Variants in ZNF827 observed in about 807,000 individuals in gnomAD.
ZNF827 encodes zinc finger protein 827.
Under a neutral mutation model 102.4 loss-of-function variants are expected in ZNF827, and 13 were observed. The observed-to-expected ratio is 0.13, with a 90% CI of 0.08 to 0.20. The LOEUF is 0.20. Among genes scored for constraint, ZNF827 ranks in the 10% least tolerant of loss-of-function variants. The pLI is 1.00. For missense variants in ZNF827, 1,103 were observed against 1,344.4 expected (o/e 0.82, Z 2.81); for synonymous variants, 523 against 536.2 (o/e 0.98, Z 0.34).
intron 1 of ZNF827, 24 bp downstream of exon 1, chr4:145,938,341 G>C (rs757391266): frequency 6.2e-7 from 1 of 1,613,820 alleles, no homozygotes; most frequent in Non-Finnish European, 8.5e-7. Context: ...TGGCACGAGA[G>C]GAGGTGGAGA....
chr4:145,930,037 G>A (rs977227834), intron 1 of ZNF827, among the ~76,000 whole-genome samples: 2 of 152,160 alleles, frequency 1.3e-5, no homozygotes, highest in Non-Finnish European at 2.9e-5. Flanking sequence ...GAAAGCACAT[G>A]AATCCTGTTT....
Position 145,902,460 on chromosome 4 carries a change from G to A in ZNF827, c.799C>T (p.Pro267Ser). 6.2e-7 allele frequency: 1 copy of A among 1,614,158 alleles called. No homozygotes were observed. Among genetic ancestry groups the A allele is most frequent in the Non-Finnish European group, 8.5e-7 (1 of 1,180,046 alleles). The change falls in exon 2 of 15, where the codon CCT becomes TCT. Residue 267 changes from proline to serine, a missense_variant. Pro to Ser is a moderately conservative substitution (Grantham distance 74). Transcript: ENST00000508784. This position sits in a 1 kb window ranked among gnomAD's most constrained non-coding sequence, Gnocchi z 4.3. The stretch of plus-strand genomic sequence containing the variant: ...GCCGGTGGAGGGTGCTCCTGACCAG[G>A]AGTCAAACTTCTTTCACTGACCTTC... ...SKKVSERSLT[P>S]GQEHPPPASS... is the part of the protein sequence containing the mutation.
At chr4:145,937,808 G>A (rs1754327279) in intron 1 of ZNF827, among the ~76,000 whole-genome samples, 1 of 150,302 alleles carries the variant, frequency 6.7e-6, no homozygotes, top group Non-Finnish European at 1.5e-5. Context: ...TTTAGCCAGG[G>A]ACGGACCTCT....
At chr4:145,813,688 C>G (rs1218053327) in intron 8 of ZNF827, among the ~76,000 whole-genome samples, 1 of 152,178 alleles carries the variant, frequency 6.6e-6, no homozygotes, top group Non-Finnish European at 1.5e-5. Flanking sequence ...GTGCATCAGT[C>G]AAAGTTTAGA....
intron 1 of ZNF827, 123 bp from the exon 2 acceptor site, chr4:145,903,338 G>A: frequency 6.9e-7 from 1 of 1,441,302 alleles, no homozygotes; most frequent in East Asian, 2.4e-5. Context: ...AATGAAAGGT[G>A]GCAACAGCCT....
At chr4:145,835,814 T>C (rs912889015) in intron 7 of ZNF827, among the ~76,000 whole-genome samples, 12 of 148,492 alleles carry the variant, frequency 8.1e-5, no homozygotes, top group Admixed American at 7.5e-4. Context: ...TTAAAGACTA[T>C]AAACTCTCCT....
intron 1 of ZNF827, among the ~76,000 whole-genome samples, chr4:145,932,380 C>T (rs997762017): frequency 3.3e-5 from 5 of 152,150 alleles, no homozygotes; most frequent in African/African-American, 4.8e-5. Context: ...ACTGGGATTA[C>T]TTAAGTAAAC....
rs367699903 is a variant in ZNF827, at chr4:145,836,894, C to T, written c.2279+9062G>A. Reference sequence around the variant, plus strand: ...GTGTTCCATCTGCTATTCTGCTACTCCTCAGGGATTATTCAGGCACCCTCC... The same window carrying T: ...GTGTTCCATCTGCTATTCTGCTACTTCTCAGGGATTATTCAGGCACCCTCC... On this transcript the variant is annotated intron_variant, in intron 7 of 14. Transcript: ENST00000508784. Among the ~76,000 whole-genome samples, 3 of 152,200 alleles carry T rather than the reference C, an allele frequency of 2.0e-5. No individual in the cohort carries two copies. In the East Asian group the frequency reaches 5.8e-4, roughly 29 times the overall value.
intron 8 of ZNF827, among the ~76,000 whole-genome samples, chr4:145,782,978 G>A (rs1738314135): frequency 6.6e-6 from 1 of 152,168 alleles, no homozygotes; most frequent in Non-Finnish European, 1.5e-5. Flanking sequence ...GGTAGAGTTA[G>A]TCATTTCCCC....
intron 1 of ZNF827, among the ~76,000 whole-genome samples, chr4:145,916,044 C>T (rs970347000): frequency 1.2e-4 from 19 of 152,216 alleles, no homozygotes; most frequent in Non-Finnish European, 2.4e-4. Context: ...GGGGTTGGGC[C>T]GCCAAGGCCT....
At position 145,878,812 on chromosome 4, in the gene ZNF827, G is replaced by C. The variant is rs151298500; in HGVS notation, c.1747+6866C>G. ...GGAAGGAAAAGAGCTAGCCAGACAG[G>C]AGCATGATCTGATGCAAGAGGTACT... On this transcript the variant is annotated intron_variant, in intron 4 of 14. Coordinates refer to ENST00000508784, the MANE Select transcript of ZNF827 (RefSeq NM_001306215.2). 4.2e-3 allele frequency among the ~76,000 whole-genome samples: 632 copies of C among 151,638 alleles called. 4 individuals are homozygous for C. Among genetic ancestry groups the C allele is most frequent in the African/African-American group, 0.014 (575 of 41,212 alleles).
Position 145,841,376 on chromosome 4 carries a change from T to C in ZNF827, c.2279+4580A>G, listed in dbSNP as rs575110775. 1.2e-4 allele frequency among the ~76,000 whole-genome samples: 18 copies of C among 152,376 alleles called. No homozygotes were observed. The East Asian group carries it at 1.9e-3, about 16-fold the overall frequency. ...ACTTTGAGATCTGATTATGATATCA[T>C]GCCTCATGTATTTTCATCTACCAAA... On this transcript the variant is annotated intron_variant, in intron 7 of 14. Transcript: ENST00000508784.
At chr4:145,779,616 G>C in intron 8 of ZNF827, 105 bp from the exon 9 acceptor site, 2 of 1,446,672 alleles carry the variant, frequency 1.4e-6, no homozygotes, top group Non-Finnish European at 1.9e-6. Context: ...GAAGAATGTG[G>C]CTAGTAATTG....
chr4:145,890,403 T>A (rs1222530923), intron 3 of ZNF827, among the ~76,000 whole-genome samples: 1 of 152,200 alleles, frequency 6.6e-6, no homozygotes, highest in East Asian at 1.9e-4. Context: ...AGCTCTCATC[T>A]GTGACACTGC....
intron 13 of ZNF827, among the ~76,000 whole-genome samples, chr4:145,764,504 C>T (rs1442420909): frequency 2.0e-5 from 3 of 152,090 alleles, no homozygotes; most frequent in Non-Finnish European, 4.4e-5. Flanking sequence ...AGCACATGAT[C>T]GTTGCATGAA....
intron 5 of ZNF827, among the ~76,000 whole-genome samples, chr4:145,857,789 T>C (rs1747296443): frequency 6.6e-6 from 1 of 152,208 alleles, no homozygotes; most frequent in Non-Finnish European, 1.5e-5. Flanking sequence ...CCCAATCATC[T>C]TGTTTTCTTT....
chr4:145,900,812 A>G (rs535799816), intron 2 of ZNF827, among the ~76,000 whole-genome samples: 6 of 152,284 alleles, frequency 3.9e-5, no homozygotes, highest in African/African-American at 1.4e-4. Flanking sequence ...GAACTACCCC[A>G]GCCTCCTTTG....
chr4:145,916,649 T>A (rs895509706), intron 1 of ZNF827, among the ~76,000 whole-genome samples: 1 of 152,204 alleles, frequency 6.6e-6, no homozygotes. Context: ...CTCCTGAAAA[T>A]GTTCTTTCAT....
intron 11 of ZNF827, among the ~76,000 whole-genome samples, chr4:145,773,014 G>A (rs1315154505): frequency 8.5e-5 from 13 of 152,162 alleles, no homozygotes; most frequent in Non-Finnish European, 2.9e-5. Context: ...GGGTGTGGAG[G>A]GGGCTTTGGA....
Sources: gnomAD v4.1 joint callset for allele counts (sites outside exome capture counted in the v4.1 genomes callset) on GRCh38, gnomAD v4.1.1 for gene constraint, Gnocchi (gnomAD v3.1) non-coding constraint, MANE v1.5 for transcripts, NCBI Gene and HGNC (gene_info 2026-07-23, HGNC 2026-07-21) for gene names.